Variants in RPS6KC1 observed in about 807,000 individuals in gnomAD.
RPS6KC1 encodes the protein ribosomal protein S6 kinase C1.
Under a neutral mutation model 103.8 loss-of-function variants are expected in RPS6KC1, and 54 were observed. The ratio of observed to expected loss-of-function variants is 0.52; its 90% CI spans 0.42 to 0.65. The LOEUF is 0.65. Among genes scored for constraint, RPS6KC1 ranks in the 30% least tolerant of loss-of-function variants. The probability of loss-of-function intolerance (pLI) is 0.00; values close to 1 mark genes in which losing one functional copy is unlikely to be tolerated. For missense variants in RPS6KC1, 1,151 were observed against 1,253.8 expected, an observed-to-expected ratio of 0.92 and a Z score of 1.24; for synonymous variants, 439 against 438.7, an observed-to-expected ratio of 1.00 and a Z score of -0.01.
chr1:213,191,976 T>C (rs976895069), intron 8 of RPS6KC1, among the ~76,000 whole-genome samples: 6 of 151,980 alleles, frequency 3.9e-5, no homozygotes, highest in Non-Finnish European at 8.8e-5. Context: ...GCCCAGCTTA[T>C]TTTTGTATTT....
chr1:213,377,051 G>A, the RPS6KC1 span, among the ~76,000 whole-genome samples: 1 of 152,170 alleles, frequency 6.6e-6, no homozygotes, highest in Non-Finnish European at 1.5e-5. Flanking sequence ...CCTCTGGGAA[G>A]GTAAGTCTGG....
At chr1:213,591,290 A>G in the RPS6KC1 span, among the ~76,000 whole-genome samples, 25 of 152,324 alleles carry the variant, frequency 1.6e-4, 1 homozygote, top group South Asian at 5.2e-3. Flanking sequence ...CCATGCCAAG[A>G]TGGTGACTTC....
chr1:213,326,275 TAAAAA>T, the RPS6KC1 span, among the ~76,000 whole-genome samples: 2 of 151,976 alleles, frequency 1.3e-5, no homozygotes, highest in African/African-American at 4.8e-5. Context: ...AAAGCAAACA[TAAAAA>T]TAAAAGTTAC....
At chr1:213,217,064 A>C (rs2093684738) in intron 8 of RPS6KC1, among the ~76,000 whole-genome samples, 1 of 151,764 alleles carries the variant, frequency 6.6e-6, no homozygotes, top group African/African-American at 2.4e-5. Flanking sequence ...AACCCTTCAA[A>C]ACATCAATGA....
At chr1:213,824,793 A>T in the RPS6KC1 span, among the ~76,000 whole-genome samples, 1 of 152,172 alleles carries the variant, frequency 6.6e-6, no homozygotes. Flanking sequence ...CGGAACTACA[A>T]GTCCATTAAA....
the RPS6KC1 span, among the ~76,000 whole-genome samples, chr1:213,397,848 G>T: frequency 6.6e-6 from 1 of 152,136 alleles, no homozygotes; most frequent in African/African-American, 2.4e-5. Context: ...TACACTCTGG[G>T]AAGCCTTTCA....
chr1:213,168,321 C>G (rs1037475334), intron 7 of RPS6KC1, among the ~76,000 whole-genome samples: 1 of 152,116 alleles, frequency 6.6e-6, no homozygotes, highest in African/African-American at 2.4e-5. Flanking sequence ...TTTATTGATT[C>G]ATGTTAAAAC....
At chr1:213,082,071 T>C (rs1427965737) in intron 3 of RPS6KC1, among the ~76,000 whole-genome samples, 1 of 152,120 alleles carries the variant, frequency 6.6e-6, no homozygotes, top group East Asian at 1.9e-4. Flanking sequence ...GGAGTGGTTT[T>C]GAAATGAGCT....
the RPS6KC1 span, among the ~76,000 whole-genome samples, chr1:213,664,919 G>A: frequency 2.6e-5 from 4 of 152,140 alleles, no homozygotes; most frequent in African/African-American, 9.7e-5. Flanking sequence ...TATATGAAAA[G>A]GATGAAATGT....
the RPS6KC1 span, among the ~76,000 whole-genome samples, chr1:213,377,344 G>A: frequency 3.9e-5 from 6 of 152,178 alleles, no homozygotes; most frequent in Non-Finnish European, 7.3e-5. Flanking sequence ...GCTTCCCATC[G>A]ATTTGATCTT....
chr1:213,706,597 A>C, the RPS6KC1 span, among the ~76,000 whole-genome samples: 1 of 152,150 alleles, frequency 6.6e-6, no homozygotes, highest in Non-Finnish European at 1.5e-5. Context: ...TATGCAGAAT[A>C]TGCAGGTTTG....
intron 3 of RPS6KC1, among the ~76,000 whole-genome samples, chr1:213,100,186 G>A (rs1174623482): frequency 1.3e-5 from 2 of 152,008 alleles, no homozygotes. Flanking sequence ...TCTTATTGTG[G>A]TTTTAACTTT....
chr1:213,063,296 G>T (rs931425495), intron 1 of RPS6KC1, among the ~76,000 whole-genome samples: 29 of 152,172 alleles, frequency 1.9e-4, no homozygotes, highest in Non-Finnish European at 3.2e-4. Flanking sequence ...CTGAATACTT[G>T]GAATTTTAAT....
At chr1:213,595,478 C>T in the RPS6KC1 span, among the ~76,000 whole-genome samples, 1 of 152,208 alleles carries the variant, frequency 6.6e-6, no homozygotes, top group Non-Finnish European at 1.5e-5. Flanking sequence ...GGTGAGAGGA[C>T]ATTCCAACCA....
chr1:213,586,946 G>A, the RPS6KC1 span, among the ~76,000 whole-genome samples: 3 of 152,154 alleles, frequency 2.0e-5, no homozygotes, highest in Non-Finnish European at 4.4e-5. Context: ...TCTTGTTCTC[G>A]TTAGCCTGGT....
chr1:213,858,522 A>G, the RPS6KC1 span, among the ~76,000 whole-genome samples: 1 of 152,164 alleles, frequency 6.6e-6, no homozygotes, highest in Non-Finnish European at 1.5e-5. Context: ...AGCTGCACCC[A>G]CAGGCCAATA....
At chr1:213,631,983 T>C in the RPS6KC1 span, among the ~76,000 whole-genome samples, 8 of 152,308 alleles carry the variant, frequency 5.3e-5, no homozygotes, top group East Asian at 1.3e-3. Flanking sequence ...CTTTTGAGAA[T>C]GTCACATAAA....
At chr1:213,170,081 C>T (rs538269293) in intron 7 of RPS6KC1, among the ~76,000 whole-genome samples, 7 of 152,200 alleles carry the variant, frequency 4.6e-5, no homozygotes, top group Non-Finnish European at 1.0e-4. Flanking sequence ...CCACGCCTGG[C>T]CAGTATTCTA....
intron 8 of RPS6KC1, among the ~76,000 whole-genome samples, chr1:213,202,490 G>T (rs1470144290): frequency 1.3e-5 from 2 of 152,096 alleles, no homozygotes; most frequent in African/African-American, 4.8e-5. Context: ...GCGGGTGCCT[G>T]TAATCCCAGC....
Sources: allele counts gnomAD v4.1 joint callset (sites outside exome capture counted in the v4.1 genomes callset), GRCh38; gene constraint gnomAD v4.1.1; transcripts MANE v1.5; gene names NCBI Gene and HGNC (gene_info 2026-07-23, HGNC 2026-07-21).